The following SPOCK3 variants were observed in gnomAD, a reference collection of about 807,000 sequenced individuals.
SPOCK3 encodes testican-3.
A neutral mutation model predicts 56.6 loss-of-function variants in SPOCK3; 30 were observed. That is an observed-to-expected ratio of 0.53 (90% CI 0.40 to 0.72). The LOEUF is 0.72. Among genes scored for constraint, SPOCK3 ranks in the 30% least tolerant of loss-of-function variants. The probability of loss-of-function intolerance (pLI) is 0.00; values close to 1 mark genes in which losing one functional copy is unlikely to be tolerated. For synonymous variants in SPOCK3, 196 were observed against 183.3 expected (o/e 1.07, Z -0.56); for missense variants, 527 against 530.0 (o/e 0.99, Z 0.06).
chr4:166,802,272 C>T (rs964370210), intron 6 of SPOCK3, among the ~76,000 whole-genome samples: 1 of 151,818 alleles, frequency 6.6e-6, no homozygotes, highest in Non-Finnish European at 1.5e-5. Flanking sequence ...AGCAGAGGCT[C>T]AAGACATTAG....
At chr4:166,741,106 G>A (rs1449683979) in intron 9 of SPOCK3, among the ~76,000 whole-genome samples, 1 of 152,112 alleles carries the variant, frequency 6.6e-6, no homozygotes, top group East Asian at 1.9e-4. Context: ...TTAGAGTTAT[G>A]TGCCATTAAA....
chr4:166,745,913 C>G (rs955492442), intron 8 of SPOCK3, among the ~76,000 whole-genome samples: 4 of 152,080 alleles, frequency 2.6e-5, no homozygotes, highest in Admixed American at 1.3e-4. Context: ...ATGGTAAAGG[C>G]ATGAATTCAA....
chr4:166,862,886 C>T (rs1028308419), intron 6 of SPOCK3, among the ~76,000 whole-genome samples: 15 of 151,318 alleles, frequency 9.9e-5, no homozygotes, highest in Non-Finnish European at 1.5e-5. Flanking sequence ...AAAATTATTC[C>T]TTCAAATTCA....
At chr4:166,808,586 T>C (rs1246829718) in intron 6 of SPOCK3, among the ~76,000 whole-genome samples, 2 of 152,030 alleles carry the variant, frequency 1.3e-5, no homozygotes, top group African/African-American at 2.4e-5. Flanking sequence ...TCTAGAACAA[T>C]GAGAAAAGAC....
At chr4:167,041,650 T>C (rs1457086279) in intron 3 of SPOCK3, among the ~76,000 whole-genome samples, 1 of 152,124 alleles carries the variant, frequency 6.6e-6, no homozygotes, top group African/African-American at 2.4e-5. Flanking sequence ...GCAAAATCAC[T>C]AACAAGACAG....
intron 3 of SPOCK3, among the ~76,000 whole-genome samples, chr4:167,006,860 A>T (rs1749523293): frequency 6.6e-6 from 1 of 151,670 alleles, no homozygotes; most frequent in South Asian, 2.1e-4. Flanking sequence ...TCTCTCACAT[A>T]CTCTTTATCC....
At chr4:166,809,757 A>G (rs975952513) in intron 6 of SPOCK3, among the ~76,000 whole-genome samples, 1 of 152,104 alleles carries the variant, frequency 6.6e-6, no homozygotes, top group Non-Finnish European at 1.5e-5. Context: ...TTGGGCACCA[A>G]TTGTGAAGCT....
chr4:167,195,846 C>T (rs1732893040), intron 2 of SPOCK3, among the ~76,000 whole-genome samples: 1 of 152,152 alleles, frequency 6.6e-6, no homozygotes, highest in African/African-American at 2.4e-5. Context: ...TGGGGTGTCA[C>T]AACCGAATAC....
chr4:166,959,195 A>C (rs72697573), intron 4 of SPOCK3, among the ~76,000 whole-genome samples: 14,765 of 152,228 alleles, frequency 0.097, 1,001 homozygotes, highest in Admixed American at 0.23. Context: ...GCAAAAAAAT[A>C]GGAAAGGAAA....
chr4:166,824,325 G>A (rs954315953), intron 6 of SPOCK3, among the ~76,000 whole-genome samples: 1 of 152,024 alleles, frequency 6.6e-6, no homozygotes, highest in Non-Finnish European at 1.5e-5. Context: ...AGAGCCTTTG[G>A]AACATTGAGT....
intron 2 of SPOCK3, among the ~76,000 whole-genome samples, chr4:167,181,943 C>A (rs930526202): frequency 6.6e-6 from 1 of 152,128 alleles, no homozygotes; most frequent in Non-Finnish European, 1.5e-5. Context: ...AGTATCCCCA[C>A]CCAGCACATG....
At chr4:167,063,828 C>A (rs922734009) in intron 2 of SPOCK3, among the ~76,000 whole-genome samples, 7 of 151,808 alleles carry the variant, frequency 4.6e-5, no homozygotes, top group South Asian at 2.1e-4. Context: ...TTCAGTTCCA[C>A]CCACGTTGAG....
intron 2 of SPOCK3, among the ~76,000 whole-genome samples, chr4:167,180,765 A>G (rs1731385679): frequency 6.6e-6 from 1 of 152,216 alleles, no homozygotes; most frequent in African/African-American, 2.4e-5. Context: ...GATTTAAATC[A>G]GGAAGACATG....
At chr4:167,168,855 T>C (rs1730238797) in intron 2 of SPOCK3, among the ~76,000 whole-genome samples, 1 of 152,086 alleles carries the variant, frequency 6.6e-6, no homozygotes, top group Non-Finnish European at 1.5e-5. Context: ...AATGGTCTTG[T>C]GGGGCAGGCA....
intron 2 of SPOCK3, among the ~76,000 whole-genome samples, chr4:167,093,270 C>T (rs1437693775): frequency 6.6e-6 from 1 of 152,060 alleles, no homozygotes; most frequent in Non-Finnish European, 1.5e-5. Context: ...TATTGATAAC[C>T]AATTAACAGA....
chr4:167,009,942 T>C (rs943227004), intron 3 of SPOCK3, among the ~76,000 whole-genome samples: 2 of 151,984 alleles, frequency 1.3e-5, no homozygotes, highest in African/African-American at 4.8e-5. Context: ...TAAAAAGAAC[T>C]AAAATTTAAA....
chr4:166,901,583 G>T (rs1164773427), intron 5 of SPOCK3, among the ~76,000 whole-genome samples: 1 of 152,090 alleles, frequency 6.6e-6, no homozygotes, highest in Non-Finnish European at 1.5e-5. Context: ...CAGATATTTT[G>T]GATGACACAA....
At chr4:166,780,114 G>A (rs1489406826) in intron 7 of SPOCK3, among the ~76,000 whole-genome samples, 4 of 152,052 alleles carry the variant, frequency 2.6e-5, no homozygotes, top group African/African-American at 7.2e-5. Flanking sequence ...TGAGTAATTA[G>A]CAAACCACAA....
intron 5 of SPOCK3, among the ~76,000 whole-genome samples, chr4:166,911,484 C>T (rs1405390175): frequency 6.6e-6 from 1 of 152,090 alleles, no homozygotes; most frequent in African/African-American, 2.4e-5. Flanking sequence ...AATGTATACT[C>T]TTTAATAAGA....
Sources: allele counts gnomAD v4.1 joint callset (sites outside exome capture counted in the v4.1 genomes callset), GRCh38; gene constraint gnomAD v4.1.1; transcripts MANE v1.5; gene names NCBI Gene and HGNC (gene_info 2026-07-23, HGNC 2026-07-21).